Variants in PDE4B observed in about 807,000 individuals in gnomAD.
PDE4B encodes the protein phosphodiesterase 4B.
In PDE4B, 20 loss-of-function variants were observed where a neutral mutation model predicts 82.2. The observed-to-expected ratio is 0.24, with a 90% CI of 0.17 to 0.35. The LOEUF is 0.35. Among genes scored for constraint, PDE4B ranks in the 10% least tolerant of loss-of-function variants. PDE4B has a pLI of 1.00. For synonymous variants in PDE4B, 320 were observed against 318.9 expected (o/e 1.00, Z -0.04); for missense variants, 655 against 907.2 (o/e 0.72, Z 3.57).
At chr1:66,136,069 T>G (rs1419966685) in intron 3 of PDE4B, among the ~76,000 whole-genome samples, 3 of 152,180 alleles carry the variant, frequency 2.0e-5, no homozygotes, top group Non-Finnish European at 2.9e-5. Flanking sequence ...ACTATGCTAA[T>G]TATAGCTCCC....
intron 3 of PDE4B, among the ~76,000 whole-genome samples, chr1:66,172,154 A>G (rs1306597462): frequency 6.6e-6 from 1 of 152,026 alleles, no homozygotes; most frequent in Non-Finnish European, 1.5e-5. Flanking sequence ...CTTTGTGTCC[A>G]TGTGTATGCA....
intron 3 of PDE4B, among the ~76,000 whole-genome samples, chr1:65,959,872 A>G (rs1358865767): frequency 6.6e-6 from 1 of 152,002 alleles, no homozygotes; most frequent in Admixed American, 6.6e-5. Context: ...TTTCACATAT[A>G]TGATTATTAT....
At chr1:66,261,545 A>G (rs1654683021) in intron 6 of PDE4B, among the ~76,000 whole-genome samples, 1 of 152,202 alleles carries the variant, frequency 6.6e-6, no homozygotes, top group Admixed American at 6.6e-5. Context: ...TTCATGAGAC[A>G]TCTGGTTAGT....
intron 3 of PDE4B, among the ~76,000 whole-genome samples, chr1:65,984,745 G>T (rs1447506583): frequency 6.6e-6 from 1 of 152,050 alleles, no homozygotes; most frequent in African/African-American, 2.4e-5. Context: ...GACAGAGTGA[G>T]ATTCCATCTC....
At chr1:66,347,047 T>C (rs1219315063) in intron 8 of PDE4B, among the ~76,000 whole-genome samples, 1 of 152,190 alleles carries the variant, frequency 6.6e-6, no homozygotes, top group Non-Finnish European at 1.5e-5. Flanking sequence ...CCGGACTCAG[T>C]TGAATCCTCA....
intron 3 of PDE4B, among the ~76,000 whole-genome samples, chr1:66,112,548 T>C (rs1645510955): frequency 6.6e-6 from 1 of 152,170 alleles, no homozygotes. Context: ...AGCCAGCTGC[T>C]TTACAAAGGT....
chr1:66,172,068 A>G (rs1420349217), intron 3 of PDE4B, among the ~76,000 whole-genome samples: 2 of 152,158 alleles, frequency 1.3e-5, no homozygotes, highest in Non-Finnish European at 2.9e-5. Flanking sequence ...GGTAATGAGT[A>G]TAGTACCTAA....
intron 1 of PDE4B, among the ~76,000 whole-genome samples, chr1:65,828,002 T>C (rs1358080243): frequency 1.3e-5 from 2 of 152,000 alleles, no homozygotes; most frequent in Non-Finnish European, 2.9e-5. Flanking sequence ...GTATTTAAAG[T>C]GCAAAGAAAA....
chr1:65,992,436 A>G (rs1014732631), intron 3 of PDE4B: 2 of 153,940 alleles, frequency 1.3e-5, no homozygotes, highest in Admixed American at 6.5e-5. Flanking sequence ...TGCTGGACGG[A>G]TTCTGGGTCT....
chr1:66,297,444 C>T (rs1309017175), intron 7 of PDE4B, among the ~76,000 whole-genome samples: 1 of 152,020 alleles, frequency 6.6e-6, no homozygotes. Context: ...AACCCACAAA[C>T]TTTAAAAAGT....
chr1:66,336,937 A>G (rs935230872), intron 8 of PDE4B, among the ~76,000 whole-genome samples: 1 of 152,226 alleles, frequency 6.6e-6, no homozygotes, highest in Non-Finnish European at 1.5e-5. Flanking sequence ...CCAGCTGGGA[A>G]TTAGGCTGCA....
chr1:66,124,194 G>C (rs776680935), intron 3 of PDE4B, among the ~76,000 whole-genome samples: 1 of 152,170 alleles, frequency 6.6e-6, no homozygotes, highest in Admixed American at 6.5e-5. Context: ...ATGCATAAAT[G>C]TACTTCCAGG....
Position 66,105,847 on chromosome 1 carries a change from A to G in PDE4B, c.282-141613A>G, listed in dbSNP as rs1363474494. Among the ~76,000 whole-genome samples the G allele has an allele frequency of 1.2e-4, 18 of 151,814 alleles. No individual in the cohort carries two copies. In the South Asian group the frequency reaches 3.3e-3, roughly 28 times the overall value. On this transcript the variant is annotated intron_variant, in intron 3 of 16. Transcript: ENST00000341517. ...GCTTAAGGAGATTTTGGGCTGAGACAATGGGGTTTTCTAGATATAGAATCA... is the reference window on the plus strand; with the variant it reads ...GCTTAAGGAGATTTTGGGCTGAGACGATGGGGTTTTCTAGATATAGAATCA...
intron 3 of PDE4B, among the ~76,000 whole-genome samples, chr1:66,104,375 T>C (rs1223564747): frequency 1.4e-5 from 2 of 146,624 alleles, no homozygotes; most frequent in Non-Finnish European, 3.0e-5. Flanking sequence ...TCTTTGCTAT[T>C]GTGAATAGTG....
intron 3 of PDE4B, among the ~76,000 whole-genome samples, chr1:66,201,567 G>C (rs535521194): frequency 6.7e-6 from 1 of 149,644 alleles, no homozygotes; most frequent in South Asian, 2.1e-4. Flanking sequence ...TCTTTGTTTA[G>C]TCTTGGGAGG....
intron 1 of PDE4B, among the ~76,000 whole-genome samples, chr1:65,827,571 A>G (rs921898862): frequency 6.6e-6 from 1 of 152,204 alleles, no homozygotes; most frequent in African/African-American, 2.4e-5. Flanking sequence ...AGGTAGGTGA[A>G]TGGAAATTTC....
chr1:65,915,541 A>C (rs542303060), intron 2 of PDE4B, among the ~76,000 whole-genome samples: 1 of 152,206 alleles, frequency 6.6e-6, no homozygotes, highest in South Asian at 2.1e-4. Flanking sequence ...TGCTTCAAAA[A>C]TGACTGAAAT....
At chr1:65,942,701 A>G (rs1648509033) in intron 3 of PDE4B, among the ~76,000 whole-genome samples, 1 of 151,780 alleles carries the variant, frequency 6.6e-6, no homozygotes, top group Non-Finnish European at 1.5e-5. Flanking sequence ...TCTTTCACTT[A>G]TTTGATAATA....
At chr1:66,310,752 C>T (rs907161685) in intron 7 of PDE4B, among the ~76,000 whole-genome samples, 1 of 152,036 alleles carries the variant, frequency 6.6e-6, no homozygotes, top group Non-Finnish European at 1.5e-5. Context: ...AATATAGTGG[C>T]TAAGAGTATA....
Sources: gnomAD v4.1 joint callset for allele counts (sites outside exome capture counted in the v4.1 genomes callset) on GRCh38, gnomAD v4.1.1 for gene constraint, MANE v1.5 for transcripts, NCBI Gene and HGNC (gene_info 2026-07-23, HGNC 2026-07-21) for gene names.